Variants in KLF12 observed in about 807,000 individuals in gnomAD.
KLF12 encodes Krueppel-like factor 12.
KLF12 carries 9 observed loss-of-function variants against 37.8 expected under a neutral mutation model. That is an observed-to-expected ratio of 0.24 (90% confidence interval 0.14 to 0.42). KLF12 has a LOEUF of 0.42. Among genes scored for constraint, KLF12 ranks in the 10% least tolerant of loss-of-function variants. The pLI is 1.00. For synonymous variants in KLF12, 208 were observed against 202.1 expected (o/e 1.03, Z -0.25); for missense variants, 411 against 516.0 (o/e 0.80, Z 1.97).
intron 4 of KLF12, among the ~76,000 whole-genome samples, chr13:73,825,302 CA>C (rs1883774796): frequency 6.6e-6 from 1 of 152,132 alleles, no homozygotes; most frequent in African/African-American, 2.4e-5. Context: ...CCCAGGAACT[CA>C]AGGCTCTGGC....
intron 3 of KLF12, among the ~76,000 whole-genome samples, chr13:73,920,122 G>A (rs143920733): frequency 0.013 from 1,985 of 152,262 alleles, 21 homozygotes; most frequent in Middle Eastern, 0.034. Flanking sequence ...CTGCACAGCA[G>A]TGCCAATACT....
At chr13:74,212,860 T>C in the KLF12 span, among the ~76,000 whole-genome samples, 1 of 151,918 alleles carries the variant, frequency 6.6e-6, no homozygotes, top group Admixed American at 6.6e-5. Context: ...GTTTAAATTC[T>C]TTTTTTTCAG....
the KLF12 span, among the ~76,000 whole-genome samples, chr13:74,289,930 T>C: frequency 6.6e-6 from 1 of 152,192 alleles, no homozygotes; most frequent in Non-Finnish European, 1.5e-5. Flanking sequence ...GTTAAAAACT[T>C]GAGTGGGCTC....
At chr13:73,743,917 G>T (rs1878188209) in intron 6 of KLF12, among the ~76,000 whole-genome samples, 1 of 152,122 alleles carries the variant, frequency 6.6e-6, no homozygotes, top group Non-Finnish European at 1.5e-5. Context: ...CCTTGAGGCA[G>T]GATTCTATTT....
At chr13:74,169,619 T>C in the KLF12 span, among the ~76,000 whole-genome samples, 1 of 152,364 alleles carries the variant, frequency 6.6e-6, no homozygotes, top group East Asian at 1.9e-4. Flanking sequence ...TACCACTCTT[T>C]GCCCTTGGAT....
At chr13:73,713,506 A>C (rs1875565613) in intron 7 of KLF12, among the ~76,000 whole-genome samples, 1 of 152,264 alleles carries the variant, frequency 6.6e-6, no homozygotes, top group East Asian at 1.9e-4. Context: ...CTCTCTGCGA[A>C]ATATGACACG....
At chr13:74,234,446 A>G in the KLF12 span, among the ~76,000 whole-genome samples, 1 of 152,216 alleles carries the variant, frequency 6.6e-6, no homozygotes, top group Non-Finnish European at 1.5e-5. Context: ...GATAAGAAGG[A>G]CTACCTTACT....
At chr13:74,068,827 G>A in intron 1 of KLF12, among the ~76,000 whole-genome samples, 1 of 152,088 alleles carries the variant, frequency 6.6e-6, no homozygotes, top group Non-Finnish European at 1.5e-5. Context: ...AAAGTGCTGG[G>A]ATTACAGGCA....
At chr13:73,983,286 C>T (rs1008078374) in intron 2 of KLF12, among the ~76,000 whole-genome samples, 8 of 152,206 alleles carry the variant, frequency 5.3e-5, no homozygotes, top group East Asian at 1.9e-4. Flanking sequence ...TGCTTTCCAG[C>T]CCTGCTGTAC....
chr13:74,227,639 A>G, the KLF12 span, among the ~76,000 whole-genome samples: 1 of 152,170 alleles, frequency 6.6e-6, no homozygotes, highest in African/African-American at 2.4e-5. Flanking sequence ...AACAATACAT[A>G]AGAATCCCCG....
intron 4 of KLF12, among the ~76,000 whole-genome samples, chr13:73,836,119 A>G (rs985298041): frequency 2.0e-5 from 3 of 152,170 alleles, no homozygotes; most frequent in Admixed American, 1.3e-4. Context: ...TTTCCCCTAC[A>G]TAAAGGTGGC....
intron 5 of KLF12, among the ~76,000 whole-genome samples, chr13:73,774,612 G>A (rs1369204658): frequency 1.3e-5 from 2 of 152,160 alleles, no homozygotes; most frequent in African/African-American, 2.4e-5. Flanking sequence ...ATTATACTAT[G>A]AGGATGTAAG....
At chr13:73,723,384 A>C (rs774720097) in intron 6 of KLF12, among the ~76,000 whole-genome samples, 1 of 152,224 alleles carries the variant, frequency 6.6e-6, no homozygotes, top group Non-Finnish European at 1.5e-5. Context: ...TGAATGGAAG[A>C]CACATAACAT....
chr13:73,827,495 GT>G (rs1883916303), intron 4 of KLF12, among the ~76,000 whole-genome samples: 1 of 152,132 alleles, frequency 6.6e-6, no homozygotes, highest in African/African-American at 2.4e-5. Context: ...TGAGCATGCT[GT>G]AACTATCCAA....
At chr13:74,006,908 T>C (rs1246706268) in intron 1 of KLF12, among the ~76,000 whole-genome samples, 1 of 152,194 alleles carries the variant, frequency 6.6e-6, no homozygotes, top group Non-Finnish European at 1.5e-5. Context: ...ATGACAAACA[T>C]ACCTGGCTAA....
the KLF12 span, among the ~76,000 whole-genome samples, chr13:74,261,879 G>A: frequency 6.6e-6 from 1 of 152,192 alleles, no homozygotes; most frequent in East Asian, 1.9e-4. Context: ...CTTGTATGCT[G>A]TTAGCCAGTC....
At chr13:74,079,856 T>C (rs951900486) in intron 1 of KLF12, among the ~76,000 whole-genome samples, 1 of 152,194 alleles carries the variant, frequency 6.6e-6, no homozygotes, top group Non-Finnish European at 1.5e-5. Context: ...AATTACCATA[T>C]GATCCAACAA....
chr13:74,040,712 T>A (rs1893378236), intron 1 of KLF12, among the ~76,000 whole-genome samples: 1 of 152,176 alleles, frequency 6.6e-6, no homozygotes. Flanking sequence ...TCTGCTTAAA[T>A]ACACACCCTA....
intron 2 of KLF12, among the ~76,000 whole-genome samples, chr13:73,993,068 C>T (rs1892014265): frequency 6.6e-6 from 1 of 152,080 alleles, no homozygotes; most frequent in African/African-American, 2.4e-5. Context: ...CCTGTCTCTA[C>T]TAAAAATACA....
Sources: gnomAD v4.1 joint callset for allele counts (sites outside exome capture counted in the v4.1 genomes callset) on GRCh38, gnomAD v4.1.1 for gene constraint, MANE v1.5 for transcripts, NCBI Gene and HGNC (gene_info 2026-07-23, HGNC 2026-07-21) for gene names.